The following TENM3 variants were observed in gnomAD, a reference collection of about 807,000 sequenced individuals.
TENM3 encodes the protein teneurin-3.
In TENM3, 63 loss-of-function variants were observed where a neutral mutation model predicts 255.1. The ratio of observed to expected loss-of-function variants is 0.25; its 90% CI spans 0.20 to 0.30. The LOEUF (loss-of-function observed/expected upper bound fraction) is 0.30, where lower values mean the gene tolerates loss of function less well. Ranked by LOEUF, TENM3 falls within the 10% of genes least tolerant of loss-of-function variation. The pLI, the probability that TENM3 is intolerant of heterozygous loss-of-function variation, is 1.00. For synonymous variants in TENM3, 1,306 were observed against 1,322.3 expected (o/e 0.99, Z 0.27); for missense variants, 2,929 against 3,461.1 (o/e 0.85, Z 3.86).
At chr4:182,087,388 C>T in the TENM3 span, among the ~76,000 whole-genome samples, 1 of 152,152 alleles carries the variant, frequency 6.6e-6, no homozygotes, top group South Asian at 2.1e-4. Context: ...CTTACTGTGT[C>T]CAACTTGTAC....
chr4:181,752,855 A>T, the TENM3 span, among the ~76,000 whole-genome samples: 1 of 152,192 alleles, frequency 6.6e-6, no homozygotes, highest in Non-Finnish European at 1.5e-5. Context: ...TACTGAAAAA[A>T]AAAAGAAACT....
chr4:182,692,420 T>TA (rs60915790), intron 12 of TENM3, among the ~76,000 whole-genome samples: 15,399 of 152,272 alleles, frequency 0.1, 1,029 homozygotes, highest in African/African-American at 0.18. Flanking sequence ...TGAAGAGGTT[T>TA]ACCCCAGAAT....
chr4:182,164,117 G>A (rs574432232), intron 1 of TENM3, among the ~76,000 whole-genome samples: 35 of 152,270 alleles, frequency 2.3e-4, no homozygotes, highest in Middle Eastern at 3.4e-3. Flanking sequence ...AGGACAACTA[G>A]CATTAACTGG....
chr4:181,667,608 A>G, the TENM3 span, among the ~76,000 whole-genome samples: 1 of 152,104 alleles, frequency 6.6e-6, no homozygotes, highest in Non-Finnish European at 1.5e-5. Flanking sequence ...TCCCACCCTC[A>G]CTTTCTCTTG....
the TENM3 span, among the ~76,000 whole-genome samples, chr4:181,776,432 C>T: frequency 6.6e-6 from 1 of 152,052 alleles, no homozygotes; most frequent in Non-Finnish European, 1.5e-5. Context: ...TAGATAAATA[C>T]CTAGCAGTGT....
At chr4:181,708,389 A>G in the TENM3 span, among the ~76,000 whole-genome samples, 199 of 152,324 alleles carry the variant, frequency 1.3e-3, 1 homozygote, top group East Asian at 0.012. Context: ...GTACCTTTAG[A>G]AGTACATATA....
At chr4:182,012,220 T>G in the TENM3 span, among the ~76,000 whole-genome samples, 1 of 152,324 alleles carries the variant, frequency 6.6e-6, no homozygotes, top group Non-Finnish European at 1.5e-5. Context: ...TGATTTGTGA[T>G]CATCATTAGA....
At chr4:182,068,587 C>T in the TENM3 span, among the ~76,000 whole-genome samples, 1 of 151,880 alleles carries the variant, frequency 6.6e-6, no homozygotes, top group African/African-American at 2.4e-5. Context: ...ATTTTTCCTG[C>T]TTGATGAAAA....
the TENM3 span, among the ~76,000 whole-genome samples, chr4:181,676,989 CTT>C: frequency 7.3e-6 from 1 of 137,696 alleles, no homozygotes. Flanking sequence ...CCGATTTTAT[CTT>C]TTTTTTTTTT....
At chr4:181,533,491 C>T in the TENM3 span, among the ~76,000 whole-genome samples, 6 of 152,168 alleles carry the variant, frequency 3.9e-5, no homozygotes, top group South Asian at 6.2e-4. Context: ...CTCTTGGTCC[C>T]TTAAGGATGG....
intron 3 of TENM3, among the ~76,000 whole-genome samples, chr4:182,393,990 G>A (rs1006278126): frequency 6.6e-6 from 1 of 152,148 alleles, no homozygotes; most frequent in African/African-American, 2.4e-5. Context: ...AACAATTATA[G>A]TCTCAGAGTT....
intron 2 of TENM3, among the ~76,000 whole-genome samples, chr4:182,334,711 A>C (rs1248979348): frequency 6.6e-6 from 1 of 152,224 alleles, no homozygotes; most frequent in Non-Finnish European, 1.5e-5. Flanking sequence ...GTGGGATTTG[A>C]TAAATGGTGC....
At chr4:182,706,415 T>C (rs1758284425) in intron 12 of TENM3, among the ~76,000 whole-genome samples, 1 of 152,122 alleles carries the variant, frequency 6.6e-6, no homozygotes, top group South Asian at 2.1e-4. Flanking sequence ...TAATAAATGG[T>C]AGTTATTGCG....
the TENM3 span, among the ~76,000 whole-genome samples, chr4:181,950,492 A>G: frequency 2.6e-5 from 4 of 152,234 alleles, no homozygotes; most frequent in African/African-American, 7.2e-5. Flanking sequence ...ACCATGTTAC[A>G]CCATATTAAT....
At chr4:181,782,768 A>G in the TENM3 span, among the ~76,000 whole-genome samples, 1 of 152,244 alleles carries the variant, frequency 6.6e-6, no homozygotes, top group South Asian at 2.1e-4. Context: ...AGTGCTATAA[A>G]TTTCCCTCAA....
chr4:181,832,746 T>TA, the TENM3 span, among the ~76,000 whole-genome samples: 1 of 152,326 alleles, frequency 6.6e-6, no homozygotes, highest in South Asian at 2.1e-4. Context: ...GAATTACTTT[T>TA]AAATCAATTG....
chr4:182,489,291 C>G (rs1180343220), intron 3 of TENM3, among the ~76,000 whole-genome samples: 1 of 152,116 alleles, frequency 6.6e-6, no homozygotes, highest in Non-Finnish European at 1.5e-5. Flanking sequence ...AATTTCTTCT[C>G]TAATTTTTTA....
At chr4:181,968,265 CT>C in the TENM3 span, among the ~76,000 whole-genome samples, 11 of 152,288 alleles carry the variant, frequency 7.2e-5, no homozygotes, top group East Asian at 2.1e-3. Flanking sequence ...CACCTTCCTT[CT>C]TGGCTTGTGA....
chr4:181,895,732 G>A, the TENM3 span, among the ~76,000 whole-genome samples: 9 of 151,502 alleles, frequency 5.9e-5, no homozygotes, highest in Admixed American at 1.3e-4. Context: ...TTTTTATAGA[G>A]ACAAGGTCTC....
Sources: allele counts gnomAD v4.1 joint callset (sites outside exome capture counted in the v4.1 genomes callset), GRCh38; gene constraint gnomAD v4.1.1; transcripts MANE v1.5; gene names NCBI Gene and HGNC (gene_info 2026-07-23, HGNC 2026-07-21).